CRX: variants seen among roughly 807,000 people sequenced by gnomAD.
CRX encodes the protein cone-rod homeobox.
A neutral mutation model predicts 13.1 loss-of-function variants in CRX; 5 were observed. The observed-to-expected ratio is 0.38, with a 90% CI of 0.20 to 0.80. The LOEUF (loss-of-function observed/expected upper bound fraction) is 0.80. Ranked by LOEUF, CRX falls within the 30% of genes least tolerant of loss-of-function variation. The pLI is 0.43. For synonymous variants in CRX, 179 were observed against 171.1 expected (o/e 1.05, Z -0.36); for missense variants, 351 against 391.8 (o/e 0.90, Z 0.88).
At chr19:47,824,732 G>A (rs932870712) in intron 1 of CRX, among the ~76,000 whole-genome samples, 1 of 152,124 alleles carries the variant, frequency 6.6e-6, no homozygotes, top group African/African-American at 2.4e-5. Flanking sequence ...CTGCTCAGCT[G>A]GGAACCTGGG....
rs1036795302 is a variant in CRX, at chr19:47,841,231, T to C, written c.*1264T>C. 2.0e-5 allele frequency: 3 copies of C among 152,244 alleles called. No individual in the cohort carries two copies. Among genetic ancestry groups the C allele is most frequent in the Non-Finnish European group, 4.4e-5 (3 of 68,048 alleles). 9.4% of individuals were successfully genotyped at this position (152,244 alleles called of 1,614,324 possible). A position where few individuals can be genotyped will look rare whatever the true frequency, so the allele number is the denominator to read the frequency against. On this transcript the variant is annotated 3_prime_UTR_variant, in exon 4 of 4. Coordinates refer to ENST00000221996, the MANE Select transcript of CRX (RefSeq NM_000554.6). ...AGATCTACATTCATATATGTAGCTA[T>C]ACATATATGTACTTTTTCTTCTTAG...
At chr19:47,824,254 A>G (rs1323084989) in intron 1 of CRX, among the ~76,000 whole-genome samples, 1 of 152,156 alleles carries the variant, frequency 6.6e-6, no homozygotes, top group African/African-American at 2.4e-5. Flanking sequence ...GGAATTGACG[A>G]AACCTCTTTC....
At position 47,832,105 on chromosome 19, in the gene CRX, G is replaced by GTTTTGTTTTTT. The variant is rs1968054876; in HGVS notation, c.-35-2300_-35-2299insGTTTTTTTTTT. The stretch of plus-strand genomic sequence containing the variant: ...AAATCAGTTCAGAGAGCAGCCTTAT[G>GTTTTGTTTTTT]TTTTTTTTTTTTTTTTTTGAGACGG... On this transcript the variant is annotated intron_variant, in intron 1 of 3. Coordinates refer to ENST00000221996, the MANE Select transcript of CRX (RefSeq NM_000554.6). Among the ~76,000 whole-genome samples, 4 of 91,982 alleles carry GTTTTGTTTTTT rather than the reference G, an allele frequency of 4.3e-5. No individual in the cohort carries two copies. In the South Asian group the frequency reaches 1.6e-3, roughly 37 times the overall value. 60.3% of individuals were successfully genotyped at this position (91,982 alleles called of 152,430 possible).
chr19:47,836,512 G>A, intron 3 of CRX, 118 bp downstream of exon 3: 1 of 1,349,790 alleles, frequency 7.4e-7, no homozygotes, highest in Non-Finnish European at 1.0e-6. Context: ...AAGTTATAAA[G>A]GGGACAATAA....
intron 1 of CRX, among the ~76,000 whole-genome samples, chr19:47,832,919 G>A (rs985475186): frequency 4.6e-5 from 7 of 151,952 alleles, no homozygotes; most frequent in African/African-American, 1.7e-4. Context: ...CTACCTATCT[G>A]CCATGGGAGT....
Position 47,839,732 on chromosome 19 carries a change from T to A in CRX, c.665T>A (p.Leu222His). 6.2e-7 allele frequency: 1 copy of A among 1,614,008 alleles called. No individual in the cohort carries two copies. Among genetic ancestry groups the A allele is most frequent in the Admixed American group, 1.7e-5 (1 of 59,996 alleles). ...SSYFSGLDPY[L>H]SPMVPQLGGP... ...TATTTCAGCGGCCTAGACCCCTACC[T>A]TTCTCCCATGGTGCCCCAGCTAGGG... is the stretch of plus-strand genomic sequence containing the variant. Residue 222 changes from leucine (L) to histidine (H), a missense_variant, in exon 4 of 4, where the codon CTT becomes CAT. Around this residue, in one of 3 missense-constraint regions of CRX, gnomAD observed 253 missense variants for 268.3 expected, o/e 0.94. Transcript: ENST00000221996. The surrounding 1 kb of genome is among the most constrained non-coding windows in gnomAD (Gnocchi z 4.6).
In CRX at chr19:47,831,988, T is replaced by C. The variant is rs8108271; in HGVS notation, c.-35-2421T>C. Among the ~76,000 whole-genome samples the C allele has an allele frequency of 8.3e-3, 1,203 of 144,082 alleles. 27 individuals are homozygous for C. Among genetic ancestry groups the C allele is most frequent in the African/African-American group, 0.032 (1,129 of 34,912 alleles). 94.5% of individuals were successfully genotyped at this position (144,082 alleles called of 152,430 possible). A position where few individuals can be genotyped will look rare whatever the true frequency, so the allele number is the denominator to read the frequency against. The stretch of plus-strand genomic sequence containing the variant: ...TCCCGACCTCAGGTGATCCGCCTGC[T>C]TTGGCCTCCCAAAGTGCTGGGATTG... On this transcript the variant is annotated intron_variant, in intron 1 of 3. Coordinates refer to ENST00000221996, the MANE Select transcript of CRX (RefSeq NM_000554.6).
At chr19:47,836,524 C>G in intron 3 of CRX, 130 bp downstream of exon 3, 1 of 1,232,902 alleles carries the variant, frequency 8.1e-7, no homozygotes, top group South Asian at 1.3e-5. Context: ...GGACAATAAT[C>G]CCTCTCCCCA....
rs1308505830 is a variant in CRX at position 47,836,374 on chromosome 19, C to T, written c.232C>T (p.Leu78=). The T allele has an allele frequency of 5.6e-6, 9 of 1,614,256 alleles. No homozygotes were observed. The East Asian group carries it at 1.8e-4, about 32-fold the overall frequency. The change falls in exon 3 of 4, where the codon CTG becomes TTG. Residue 78 remains leucine, a synonymous_variant. Coordinates refer to ENST00000221996, the MANE Select transcript of CRX (RefSeq NM_000554.6). The part of the protein sequence containing the change: ...AREEVALKIN[L]PESRVQVWFK... Reference sequence around the variant, plus strand: ...TGAGGAGGTGGCTCTGAAGATCAATCTGCCTGAGTCCAGGGTTCAGGTGGG... The same window carrying T: ...TGAGGAGGTGGCTCTGAAGATCAATTTGCCTGAGTCCAGGGTTCAGGTGGG...
rs1052016718 is a variant in CRX, at chr19:47,839,819, C to T, written c.752C>T (p.Thr251Ile). ...GGACCTTCCCTGGCCCAGTCCCCCA[C>T]CTCCCTATCAGGCCAGAGCTATGGC... The part of the protein sequence containing the change: ...SVGPSLAQSP[T>I]SLSGQSYGAY... The change falls in exon 4 of 4, where the codon ACC becomes ATC. Residue 251 changes from threonine (T) to isoleucine (I), a missense_variant. By Grantham distance (89) the Thr-to-Ile change is moderately conservative (BLOSUM62 -1). Around this residue, in one of 3 missense-constraint regions of CRX, gnomAD observed 253 missense variants for 268.3 expected, o/e 0.94. Coordinates refer to ENST00000221996, the MANE Select transcript of CRX (RefSeq NM_000554.6). The surrounding 1 kb of genome is among the most constrained non-coding windows in gnomAD (Gnocchi z 4.6). The T allele has an allele frequency of 1.2e-6, 2 of 1,614,152 alleles. No homozygotes were observed. Among genetic ancestry groups the T allele is most frequent in the African/African-American group, 1.3e-5 (1 of 75,044 alleles).
chr19:47,830,402 T>A (rs1024640810), intron 1 of CRX, among the ~76,000 whole-genome samples: 1 of 151,324 alleles, frequency 6.6e-6, no homozygotes, highest in Non-Finnish European at 1.5e-5. Flanking sequence ...AGGAACCAGC[T>A]GTTTCAAAGG....
chr19:47,838,719 G>A (rs1191831380), intron 3 of CRX, among the ~76,000 whole-genome samples: 1 of 152,076 alleles, frequency 6.6e-6, no homozygotes, highest in Non-Finnish European at 1.5e-5. Flanking sequence ...ATGTGTGCAT[G>A]TTTGTATTAG....
rs1568626814 is a variant in CRX, at chr19:47,840,494, C to CG, written c.*530dup. On this transcript the variant is annotated 3_prime_UTR_variant, in exon 4 of 4. Transcript: ENST00000221996. ...TCAGCTCACTGCAAGCTCTACCTCCCGGGTTCACGCCATTCTCCTGCCTCA... is the reference window on the plus strand; with the variant it reads ...TCAGCTCACTGCAAGCTCTACCTCCCGGGGTTCACGCCATTCTCCTGCCTCA... 2 of 156,758 alleles carry CG rather than the reference C, an allele frequency of 1.3e-5. No individual in the cohort carries two copies. Among genetic ancestry groups the CG allele is most frequent in the Non-Finnish European group, 1.4e-5 (1 of 70,676 alleles). 9.7% of individuals were successfully genotyped at this position (156,758 alleles called of 1,614,324 possible). A position where few individuals can be genotyped will look rare whatever the true frequency, so the allele number is the denominator to read the frequency against.
intron 1 of CRX, among the ~76,000 whole-genome samples, chr19:47,833,051 G>C (rs1161573120): frequency 4.2e-5 from 2 of 47,800 alleles, no homozygotes; most frequent in Non-Finnish European, 3.9e-5. Context: ...TTTTTTTTTT[G>C]AGATAGGGGT....
chr19:47,824,990 A>ATTTTTTTTT lies in CRX; in HGVS notation c.-36+2990_-36+2998dup, dbSNP rs11374819. Among the ~76,000 whole-genome samples, 27 of 100,370 alleles carry ATTTTTTTTT rather than the reference A, an allele frequency of 2.7e-4. 1 individual carries two copies. Among genetic ancestry groups the ATTTTTTTTT allele is most frequent in the Admixed American group, 4.9e-4 (4 of 8,180 alleles). 65.8% of individuals were successfully genotyped at this position (100,370 alleles called of 152,430 possible). A position where few individuals can be genotyped will look rare whatever the true frequency, so the allele number is the denominator to read the frequency against. On this transcript the variant is annotated intron_variant, in intron 1 of 3. Transcript: ENST00000221996. ...AGACAGGTCCTCTTTCGATTGATTG[A>ATTTTTTTTT]TTTTTTTTTTTTTTTTTTGGGATGG...
intron 1 of CRX, among the ~76,000 whole-genome samples, chr19:47,831,443 C>T (rs113147849): frequency 0.03 from 4,517 of 152,260 alleles, 231 homozygotes; most frequent in African/African-American, 0.1. Context: ...GCCTGAGCCC[C>T]GCCTCCTGTC....
At chr19:47,835,816 G>A (rs1204387855) in intron 2 of CRX, among the ~76,000 whole-genome samples, 1 of 151,372 alleles carries the variant, frequency 6.6e-6, no homozygotes, top group Non-Finnish European at 1.5e-5. Flanking sequence ...AGAGACAGGG[G>A]TTCCCCATGT....
At position 47,840,184 on chromosome 19, in the gene CRX, C is replaced by T; in HGVS notation, c.*217C>T. 1 of 585,428 alleles carries T rather than the reference C, an allele frequency of 1.7e-6. No homozygotes were observed. Among genetic ancestry groups the T allele is most frequent in the Middle Eastern group, 4.7e-4 (1 of 2,150 alleles). 36.3% of individuals were successfully genotyped at this position (585,428 alleles called of 1,614,324 possible). On this transcript the variant is annotated 3_prime_UTR_variant, in exon 4 of 4. Coordinates refer to ENST00000221996, the MANE Select transcript of CRX (RefSeq NM_000554.6). ...GGACAGCTCACAGGTCCTAGTGATT[C>T]TCTCAACCCTAACACCGTCTGGCAC... is the stretch of plus-strand genomic sequence containing the variant.
intron 1 of CRX, among the ~76,000 whole-genome samples, chr19:47,825,848 G>A (rs1355504965): frequency 6.6e-6 from 1 of 152,100 alleles, no homozygotes; most frequent in Non-Finnish European, 1.5e-5. Context: ...CTTGAATCCG[G>A]GAGGTGGAGG....
Sources: gnomAD v4.1 joint callset for allele counts (sites outside exome capture counted in the v4.1 genomes callset) on GRCh38, gnomAD v4.1.1 for gene constraint, gnomAD v4.1.1 regional missense constraint, Gnocchi (gnomAD v3.1) non-coding constraint, MANE v1.5 for transcripts, NCBI Gene and HGNC (gene_info 2026-07-23, HGNC 2026-07-21) for gene names.